Variants in PTPRG observed in about 807,000 individuals in gnomAD.
PTPRG encodes the protein protein tyrosine phosphatase receptor type G.
A neutral mutation model predicts 165.3 loss-of-function variants in PTPRG; 102 were observed. The ratio of observed to expected loss-of-function variants is 0.62; its 90% CI spans 0.53 to 0.73. PTPRG has a LOEUF of 0.73. PTPRG is among the 30% of genes least tolerant of loss of function. The pLI is 0.00. For synonymous variants in PTPRG, 675 were observed against 669.5 expected (o/e 1.01, Z -0.13); for missense variants, 1,866 against 1,861.4 (o/e 1.00, Z -0.05).
intron 16 of PTPRG, among the ~76,000 whole-genome samples, chr3:62,256,777 T>G (rs1241955148): frequency 6.6e-6 from 1 of 152,228 alleles, no homozygotes; most frequent in Non-Finnish European, 1.5e-5. Flanking sequence ...ACCCCAGTGC[T>G]ATTCATCACA....
At chr3:61,695,093 C>T (rs1229495216) in intron 1 of PTPRG, among the ~76,000 whole-genome samples, 1 of 152,006 alleles carries the variant, frequency 6.6e-6, no homozygotes, top group Non-Finnish European at 1.5e-5. Context: ...TCACTGCAAC[C>T]TCCGCCTCCC....
intron 2 of PTPRG, among the ~76,000 whole-genome samples, chr3:61,980,069 G>C (rs1288300128): frequency 6.6e-6 from 1 of 151,934 alleles, no homozygotes; most frequent in East Asian, 1.9e-4. Flanking sequence ...TCATGAGCTT[G>C]AGCATCTTTT....
rs752181711 is a variant in PTPRG, at chr3:62,271,452, C to T, written c.3079C>T (p.Pro1027Ser). 4 of 1,613,602 alleles carry T rather than the reference C, an allele frequency of 2.5e-6. No individual in the cohort carries two copies. The highest frequency in any genetic ancestry group is 3.4e-6 in the Non-Finnish European group (4 of 1,179,662). Reference sequence around the variant, plus strand: ...GATCCAGTATCACTATACACAGTGGCCTGACATGGGAGTTCCCGAGTATGC... The same window carrying T: ...GATCCAGTATCACTATACACAGTGGTCTGACATGGGAGTTCCCGAGTATGC... ...VVIQYHYTQWPDMGVPEYALP... is the reference protein window; with the variant it reads ...VVIQYHYTQWSDMGVPEYALP... The change falls in exon 21 of 30, where the codon CCT becomes TCT. Residue 1027 changes from proline to serine, a missense_variant. By Grantham distance (74) the Pro-to-Ser change is moderately conservative. Coordinates refer to ENST00000474889, the MANE Select transcript of PTPRG (RefSeq NM_002841.4). This position sits in a 1 kb window ranked among gnomAD's most constrained non-coding sequence, Gnocchi z 4.1.
chr3:61,878,960 A>G (rs1355077388), intron 2 of PTPRG, among the ~76,000 whole-genome samples: 12 of 152,232 alleles, frequency 7.9e-5, no homozygotes, highest in Admixed American at 5.9e-4. Context: ...TGCATACTAG[A>G]ATTCCTTGGT....
intron 2 of PTPRG, among the ~76,000 whole-genome samples, chr3:61,759,571 C>G (rs1472744173): frequency 6.6e-6 from 1 of 152,012 alleles, no homozygotes; most frequent in Non-Finnish European, 1.5e-5. Context: ...GTGGGAGGAT[C>G]GCCTGAACCC....
chr3:61,823,271 A>G (rs1168796681), intron 2 of PTPRG, among the ~76,000 whole-genome samples: 1 of 151,638 alleles, frequency 6.6e-6, no homozygotes, highest in Non-Finnish European at 1.5e-5. Flanking sequence ...GCTTACTACA[A>G]CCTCTACCTC....
chr3:61,975,553 C>A (rs1164583009), intron 2 of PTPRG, among the ~76,000 whole-genome samples: 1 of 152,218 alleles, frequency 6.6e-6, no homozygotes, highest in Admixed American at 6.5e-5. Flanking sequence ...GAAACACTGT[C>A]TTCGTCATCC....
chr3:61,887,145 TATATATATATATATATATATATA>T lies in PTPRG; in HGVS notation c.191-102479_191-102457del, dbSNP rs1559670172. ...ATGCATATATATATATATATATATA[TATATATATATATATATATATATA>T]TATTTTTAATGCCATCATCAAACAC... is the stretch of plus-strand genomic sequence containing the variant. On this transcript the variant is annotated intron_variant, in intron 2 of 29. Transcript: ENST00000474889. Among the ~76,000 whole-genome samples, 4 of 56,502 alleles carry T rather than the reference TATATATATATATATATATATATA, an allele frequency of 7.1e-5. 1 individual carries two copies. In the East Asian group the frequency reaches 1.7e-3, roughly 24 times the overall value. 37.1% of individuals were successfully genotyped at this position (56,502 alleles called of 152,430 possible).
intron 2 of PTPRG, among the ~76,000 whole-genome samples, chr3:61,936,921 TG>T (rs1478077215): frequency 2.6e-5 from 4 of 152,196 alleles, no homozygotes; most frequent in Admixed American, 6.5e-5. Flanking sequence ...AAGCAGAACT[TG>T]ATCCTTGAAG....
At chr3:61,651,598 G>A (rs867650144) in intron 1 of PTPRG, among the ~76,000 whole-genome samples, 5 of 152,238 alleles carry the variant, frequency 3.3e-5, no homozygotes, top group African/African-American at 7.2e-5. Context: ...AGCAATTTCC[G>A]TGCACCATGT....
At chr3:62,043,560 T>C (rs1443156126) in intron 4 of PTPRG, among the ~76,000 whole-genome samples, 1 of 152,210 alleles carries the variant, frequency 6.6e-6, no homozygotes, top group East Asian at 1.9e-4. Flanking sequence ...GCAGATAAAA[T>C]ATCCTCTGTT....
intron 5 of PTPRG, among the ~76,000 whole-genome samples, chr3:62,104,884 C>A (rs763056128): frequency 6.6e-6 from 1 of 152,066 alleles, no homozygotes; most frequent in Non-Finnish European, 1.5e-5. Flanking sequence ...TGTTCTAGAA[C>A]TATTGCATTG....
At position 61,748,968 on chromosome 3, in the gene PTPRG, A is replaced by G; in HGVS notation, c.176A>G (p.Tyr59Cys). ...AGGCGCAAGGCTTCAGGCGACCCGT[A>G]CTGGGCCTACTCTGGTAAGTCCAGT... ...IRRRKASGDP[Y>C]WAYSGAYGPE... The change falls in exon 2 of 30, where the codon TAC becomes TGC. Residue 59 changes from tyrosine to cysteine, a missense_variant. By Grantham distance (194) the Tyr-to-Cys change is radical. Transcript: ENST00000474889. 1 of 1,611,686 alleles carries G rather than the reference A, an allele frequency of 6.2e-7. No individual in the cohort carries two copies. Among genetic ancestry groups the G allele is most frequent in the Non-Finnish European group, 8.5e-7 (1 of 1,178,896 alleles).
intron 4 of PTPRG, among the ~76,000 whole-genome samples, chr3:62,024,910 T>C (rs137957066): frequency 6.6e-6 from 1 of 152,342 alleles, no homozygotes; most frequent in East Asian, 1.9e-4. Flanking sequence ...GGGAAATTAT[T>C]TACCACATTT....
intron 15 of PTPRG, among the ~76,000 whole-genome samples, chr3:62,249,134 T>A (rs994474754): frequency 3.9e-5 from 6 of 152,170 alleles, no homozygotes; most frequent in Non-Finnish European, 7.4e-5. Context: ...CAACACTCCA[T>A]GCATCCTAAG....
rs1700149332 is a variant in PTPRG at position 62,203,623 on chromosome 3, G to C, written c.1828G>C (p.Gly610Arg). The change falls in exon 12 of 30, where the codon GGG becomes CGG. Residue 610 changes from glycine to arginine, a missense_variant. This residue lies in a region of PTPRG where 1,452 missense variants were observed against 1,463.0 expected (regional missense o/e 0.99). Coordinates refer to ENST00000474889, the MANE Select transcript of PTPRG (RefSeq NM_002841.4). This position sits in a 1 kb window ranked among gnomAD's most constrained non-coding sequence, Gnocchi z 6.4. ...EKDSEKKEKSGVTHAAEERNQ... is the reference protein window; with the variant it reads ...EKDSEKKEKSRVTHAAEERNQ... ...GGACTCCGAAAAGAAGGAGAAGAGT[G>C]GGGTGACCCACGCTGCCGAGGAGCG... is the stretch of plus-strand genomic sequence containing the variant. The C allele has an allele frequency of 1.9e-6, 3 of 1,554,728 alleles. No homozygotes were observed. Among genetic ancestry groups the C allele is most frequent in the Non-Finnish European group, 2.6e-6 (3 of 1,148,540 alleles).
rs575681973 is a variant in PTPRG at position 61,837,601 on chromosome 3, G to C, written c.190+88619G>C. 2.0e-4 allele frequency among the ~76,000 whole-genome samples: 31 copies of C among 152,258 alleles called. No homozygotes were observed. In the South Asian group the frequency reaches 6.4e-3, roughly 32 times the overall value. On this transcript the variant is annotated intron_variant, in intron 2 of 29. Coordinates refer to ENST00000474889, the MANE Select transcript of PTPRG (RefSeq NM_002841.4). ...TTGATTGAACAATAGCAAGGTTTTA[G>C]CCTGGATTTTTGTGTTTGAGGTGAA...
At chr3:62,208,750 T>C (rs766603649) in intron 12 of PTPRG, among the ~76,000 whole-genome samples, 1 of 152,212 alleles carries the variant, frequency 6.6e-6, no homozygotes, top group Non-Finnish European at 1.5e-5. Flanking sequence ...TTTGGAACTC[T>C]TAAGCACTAA....
At position 62,203,117 on chromosome 3, in the gene PTPRG, T is replaced by G. The variant is rs986699855; in HGVS notation, c.1378-56T>G. On this transcript the variant is annotated intron_variant, in intron 11 of 29. Transcript: ENST00000474889. This position sits in a 1 kb window ranked among gnomAD's most constrained non-coding sequence, Gnocchi z 6.4. ...ATTCCCAATCTCAATTACTGATGCTTCTCTGCTTTTTCTTCTTCTGCCTCT... is the reference window on the plus strand; with the variant it reads ...ATTCCCAATCTCAATTACTGATGCTGCTCTGCTTTTTCTTCTTCTGCCTCT... 38 of 1,523,470 alleles carry G rather than the reference T, an allele frequency of 2.5e-5. No homozygotes were observed. The highest frequency in any genetic ancestry group is 1.8e-4 in the Middle Eastern group (1 of 5,598). The allele number at this position is 1,523,470 out of a possible 1,614,324, so 94.4% of individuals were successfully genotyped here. A position where few individuals can be genotyped will look rare whatever the true frequency, so the allele number is the denominator to read the frequency against.
Sources: gnomAD v4.1 joint callset for allele counts (sites outside exome capture counted in the v4.1 genomes callset) on GRCh38, gnomAD v4.1.1 for gene constraint, gnomAD v4.1.1 regional missense constraint, Gnocchi (gnomAD v3.1) non-coding constraint, MANE v1.5 for transcripts, NCBI Gene and HGNC (gene_info 2026-07-23, HGNC 2026-07-21) for gene names.